HIVEP1: variants seen among roughly 807,000 people sequenced by gnomAD.
HIVEP1 encodes zinc finger protein 40.
In HIVEP1, 36 loss-of-function variants were observed where a neutral mutation model predicts 180.0. The observed-to-expected ratio is 0.20, with a 90% CI of 0.15 to 0.26. HIVEP1 has a LOEUF of 0.26. Among genes scored for constraint, HIVEP1 ranks in the 10% least tolerant of loss-of-function variants. The pLI, the probability that HIVEP1 is intolerant of heterozygous loss-of-function variation, is 1.00. For missense variants in HIVEP1, 3,143 were observed against 3,268.7 expected (o/e 0.96, Z 0.94); for synonymous variants, 1,239 against 1,239.0 (o/e 1.00, Z 0.00).
chr6:12,159,509 A>G (rs1760269690), intron 7 of HIVEP1, among the ~76,000 whole-genome samples: 1 of 152,146 alleles, frequency 6.6e-6, no homozygotes, highest in Non-Finnish European at 1.5e-5. Flanking sequence ...ATTCTTCCCC[A>G]GGGCCTTCTC....
chr6:12,043,497 G>T (rs192060740), intron 2 of HIVEP1, among the ~76,000 whole-genome samples: 1 of 151,842 alleles, frequency 6.6e-6, no homozygotes, highest in African/African-American at 2.4e-5. Context: ...AAATAGCTGG[G>T]ATTACAGGAC....
At chr6:12,089,376 A>T (rs531593398) in intron 3 of HIVEP1, 139 bp downstream of exon 3, 89 of 520,728 alleles carry the variant, frequency 1.7e-4, no homozygotes, top group African/African-American at 1.6e-3. Context: ...ATTGATACTT[A>T]AAATGTTGTG....
chr6:12,123,343 A>G lies in HIVEP1; in HGVS notation c.3548A>G (p.Glu1183Gly). Residue 1183 changes from glutamate (E) to glycine (G), a missense_variant, in exon 4 of 9, where the codon GAA becomes GGA. Around this residue, in one of 12 missense-constraint regions of HIVEP1, gnomAD observed 1,357 missense variants for 1,260.5 expected, o/e 1.08. Coordinates refer to ENST00000379388, the MANE Select transcript of HIVEP1 (RefSeq NM_002114.4). ...AAAGTGATAGGAATCTCCCAAGAGGAAAGTCACCCTTCTCGGGACGGGTCT... is the reference window on the plus strand; with the variant it reads ...AAAGTGATAGGAATCTCCCAAGAGGGAAGTCACCCTTCTCGGGACGGGTCT... ...SLKVIGISQEESHPSRDGSHP... is the reference protein window; with the variant it reads ...SLKVIGISQEGSHPSRDGSHP... 1.2e-6 allele frequency: 2 copies of G among 1,614,168 alleles called. No individual in the cohort carries two copies. Among genetic ancestry groups the G allele is most frequent in the Non-Finnish European group, 1.7e-6 (2 of 1,180,030 alleles).
At chr6:12,094,512 GA>G (rs1407767011) in intron 3 of HIVEP1, among the ~76,000 whole-genome samples, 1 of 151,642 alleles carries the variant, frequency 6.6e-6, no homozygotes, top group African/African-American at 2.4e-5. Flanking sequence ...TTTATTTGTT[GA>G]AATTATTTTT....
intron 7 of HIVEP1, among the ~76,000 whole-genome samples, chr6:12,150,255 C>A (rs919068174): frequency 2.6e-5 from 4 of 152,162 alleles, no homozygotes; most frequent in Admixed American, 2.6e-4. Context: ...TAGTTTTCAC[C>A]TTTTGTGTCA....
chr6:12,011,905 C>A (rs915186823), upstream of HIVEP1: 1 of 142,328 alleles, frequency 7.0e-6, no homozygotes, highest in Non-Finnish European at 1.6e-5. Flanking sequence ...CGCGGCCTCC[C>A]CTCCTCCCGC....
chr6:12,123,254 T>C lies in HIVEP1; in HGVS notation c.3459T>C (p.Pro1153=), dbSNP rs761477407. The C allele has an allele frequency of 6.8e-6, 11 of 1,614,018 alleles. No individual in the cohort carries two copies. Among genetic ancestry groups the C allele is most frequent in the Middle Eastern group, 1.6e-4 (1 of 6,084 alleles). Residue 1153 remains proline (P), a synonymous_variant, in exon 4 of 9, where the codon CCT becomes CCC. Coordinates refer to ENST00000379388, the MANE Select transcript of HIVEP1 (RefSeq NM_002114.4). ...SRPNSFDKPE[P]FERASPVSFQ... is the part of the protein sequence containing the mutation. ...CCAACTCATTTGACAAGCCTGAGCC[T>C]TTTGAAAGAGCCTCCCCAGTTTCTT...
At chr6:12,181,534 C>T in the HIVEP1 span, among the ~76,000 whole-genome samples, 1 of 151,898 alleles carries the variant, frequency 6.6e-6, no homozygotes, top group Non-Finnish European at 1.5e-5. Flanking sequence ...CCTAAGCCTC[C>T]CAAGTAGCTG....
At chr6:12,060,303 C>T (rs897217967) in intron 2 of HIVEP1, among the ~76,000 whole-genome samples, 1 of 152,160 alleles carries the variant, frequency 6.6e-6, no homozygotes, top group African/African-American at 2.4e-5. Context: ...TGTAACTAGC[C>T]ATTATATTTG....
chr6:12,089,423 A>G (rs1238858676), intron 3 of HIVEP1, among the ~76,000 whole-genome samples, 186 bp downstream of exon 3: 1 of 152,148 alleles, frequency 6.6e-6, no homozygotes, highest in East Asian at 1.9e-4. Context: ...CACATAGCAC[A>G]TTCTATAACT....
At chr6:12,067,859 G>A (rs1771702148) in intron 2 of HIVEP1, among the ~76,000 whole-genome samples, 1 of 151,892 alleles carries the variant, frequency 6.6e-6, no homozygotes, top group Non-Finnish European at 1.5e-5. Context: ...AAGATGTTAG[G>A]GTGTTTGTTG....
intron 2 of HIVEP1, among the ~76,000 whole-genome samples, chr6:12,067,499 A>AT (rs113213888): frequency 0.016 from 2,443 of 150,368 alleles, 71 homozygotes; most frequent in African/African-American, 0.057. Flanking sequence ...TTGAGCTTGG[A>AT]TTTTTTTTTT....
chr6:12,032,612 C>G (rs938090906), intron 2 of HIVEP1, among the ~76,000 whole-genome samples: 1 of 151,974 alleles, frequency 6.6e-6, no homozygotes, highest in African/African-American at 2.4e-5. Flanking sequence ...TTTTCTCATC[C>G]TAAATTGGAT....
At chr6:12,158,308 G>C (rs1244351204) in intron 7 of HIVEP1, among the ~76,000 whole-genome samples, 1 of 152,122 alleles carries the variant, frequency 6.6e-6, no homozygotes, top group African/African-American at 2.4e-5. Context: ...AGTTTGCTAG[G>C]TTTGAGAGAT....
At chr6:12,207,509 G>A in the HIVEP1 span, among the ~76,000 whole-genome samples, 1 of 152,034 alleles carries the variant, frequency 6.6e-6, no homozygotes, top group East Asian at 1.9e-4. Context: ...TTTACACACT[G>A]TGCTAGAAAT....
chr6:12,011,454 C>G (rs1574166), upstream of HIVEP1, among the ~76,000 whole-genome samples: 108,064 of 149,702 alleles, frequency 0.72, 39,138 homozygotes, highest in Middle Eastern at 0.92. Flanking sequence ...TGAGCGACCC[C>G]GCCAGGCCTT....
chr6:12,197,843 T>C, the HIVEP1 span, among the ~76,000 whole-genome samples: 1 of 152,094 alleles, frequency 6.6e-6, no homozygotes, highest in Non-Finnish European at 1.5e-5. Flanking sequence ...CAAAAAGTGG[T>C]GAGGGTCTGA....
the HIVEP1 span, among the ~76,000 whole-genome samples, chr6:12,210,135 A>G: frequency 6.6e-6 from 1 of 152,120 alleles, no homozygotes; most frequent in Non-Finnish European, 1.5e-5. Context: ...TTTATGGTAC[A>G]TGTGAACTAG....
At chr6:12,037,610 T>C in intron 2 of HIVEP1, 1 of 388,090 alleles carries the variant, frequency 2.6e-6, no homozygotes, top group East Asian at 3.7e-5. Flanking sequence ...GAATTTTGTA[T>C]ATGAAATAGA....
Sources: allele counts gnomAD v4.1 joint callset (sites outside exome capture counted in the v4.1 genomes callset), GRCh38; gene constraint gnomAD v4.1.1; regional missense constraint gnomAD v4.1.1; transcripts MANE v1.5; gene names NCBI Gene and HGNC (gene_info 2026-07-23, HGNC 2026-07-21).